The following SCRN1 variants were observed in gnomAD, a reference collection of about 807,000 sequenced individuals.
SCRN1 encodes secernin 1.
SCRN1 carries 19 observed loss-of-function variants against 43.3 expected under a neutral mutation model. The observed-to-expected ratio is 0.44, with a 90% CI of 0.31 to 0.64. The LOEUF is 0.64. SCRN1 is among the 30% of genes least tolerant of loss of function. The pLI, the probability that SCRN1 is intolerant of heterozygous loss-of-function variation, is 0.09. For missense variants in SCRN1, 447 were observed against 524.1 expected (o/e 0.85, Z 1.44); for synonymous variants, 183 against 188.9 (o/e 0.97, Z 0.26).
chr7:29,959,447 G>C (rs1476766535), intron 2 of SCRN1, among the ~76,000 whole-genome samples: 1 of 152,030 alleles, frequency 6.6e-6, no homozygotes, highest in Admixed American at 6.6e-5. Flanking sequence ...TTGTTTGTTT[G>C]TTTTAGAGAT....
At chr7:29,963,725 A>G (rs547185333) in intron 2 of SCRN1, among the ~76,000 whole-genome samples, 15 of 152,338 alleles carry the variant, frequency 9.8e-5, no homozygotes, top group African/African-American at 3.6e-4. Flanking sequence ...GACTAGCAAA[A>G]TACTGGAAGG....
At chr7:29,990,168 AATGTGTCC>A (rs761328020), upstream of SCRN1, 45 of 1,551,434 alleles carry the variant, frequency 2.9e-5, no homozygotes, top group Admixed American at 2.2e-4. Context: ...CCCGGAGAGA[AATGTGTCC>A]TGTACCTTGT....
chr7:29,964,678 C>T (rs1788431481), intron 2 of SCRN1, among the ~76,000 whole-genome samples: 2 of 152,048 alleles, frequency 1.3e-5, no homozygotes, highest in Non-Finnish European at 2.9e-5. Context: ...CTCGGTGGCT[C>T]ACATCCATAA....
chr7:29,924,349 C>T (rs890754724), intron 7 of SCRN1, among the ~76,000 whole-genome samples: 1 of 152,184 alleles, frequency 6.6e-6, no homozygotes, highest in Non-Finnish European at 1.5e-5. Context: ...AAGCCCAGAC[C>T]CCAGAGTGAC....
At chr7:29,983,420 T>G (rs552172082) in intron 1 of SCRN1, among the ~76,000 whole-genome samples, 25 of 151,058 alleles carry the variant, frequency 1.7e-4, no homozygotes, top group African/African-American at 6.1e-4. Flanking sequence ...ACCTGCACAA[T>G]GTGCACATGT....
chr7:29,959,854 A>AGG (rs1788248823), intron 2 of SCRN1, among the ~76,000 whole-genome samples: 1 of 151,656 alleles, frequency 6.6e-6, no homozygotes, highest in African/African-American at 2.4e-5. Context: ...CTTGGAAGTG[A>AGG]GGGAGACACT....
At chr7:29,952,884 T>G (rs1047538560) in intron 3 of SCRN1, among the ~76,000 whole-genome samples, 2 of 152,182 alleles carry the variant, frequency 1.3e-5, no homozygotes, top group East Asian at 1.9e-4. Flanking sequence ...AACCTACCAG[T>G]GCTCTTCACA....
chr7:29,948,687 A>G (rs191973435), intron 3 of SCRN1, among the ~76,000 whole-genome samples: 10 of 152,376 alleles, frequency 6.6e-5, no homozygotes, highest in Middle Eastern at 3.4e-3. Flanking sequence ...AAAAAAGAAT[A>G]AAGTAGTTAT....
chr7:29,967,396 T>TTTA (rs1019364025), intron 2 of SCRN1, among the ~76,000 whole-genome samples: 2 of 151,734 alleles, frequency 1.3e-5, no homozygotes, highest in Non-Finnish European at 2.9e-5. Flanking sequence ...GTATACTTTT[T>TTTA]TTTTTTTTTT....
At chr7:29,986,360 C>T (rs1789151067) in intron 1 of SCRN1, among the ~76,000 whole-genome samples, 1 of 152,186 alleles carries the variant, frequency 6.6e-6, no homozygotes, top group Non-Finnish European at 1.5e-5. Context: ...ATATATCCAA[C>T]ATGTTACTTC....
chr7:29,927,919 G>A (rs56233140), intron 6 of SCRN1, among the ~76,000 whole-genome samples: 3,531 of 152,082 alleles, frequency 0.023, 57 homozygotes, highest in East Asian at 0.067. Flanking sequence ...TCAGGAGTTC[G>A]AGCCCAGCCT....
At chr7:29,982,544 G>A (rs1382581873) in intron 1 of SCRN1, among the ~76,000 whole-genome samples, 1 of 152,002 alleles carries the variant, frequency 6.6e-6, no homozygotes, top group Non-Finnish European at 1.5e-5. Context: ...TTAGTCAGGT[G>A]TAGTGGTGTA....
At position 29,943,990 on chromosome 7, in the gene SCRN1, G is replaced by C. The variant is rs373608332; in HGVS notation, c.531C>G (p.Ala177=). Residue 177 remains alanine (A), a synonymous_variant, in exon 4 of 8, where the codon GCC becomes GCG. Transcript: ENST00000242059. ...VLETIGKYWA[A]EKVTEGVRCI... is the part of the protein sequence containing the mutation. ...ACACCCACTCACCTGTGACTTTCTC[G>C]GCAGCCCAGTACTTCCCTATGGTCT... 1.2e-6 allele frequency: 2 copies of C among 1,613,930 alleles called. No homozygotes were observed. The highest frequency in any genetic ancestry group is 2.2e-5 in the East Asian group (1 of 44,888).
intron 1 of SCRN1, among the ~76,000 whole-genome samples, chr7:29,982,749 A>C (rs1713888274): frequency 6.6e-6 from 1 of 151,798 alleles, no homozygotes; most frequent in African/African-American, 2.4e-5. Flanking sequence ...TTGTATAATT[A>C]ATACGTAGTG....
intron 2 of SCRN1, among the ~76,000 whole-genome samples, chr7:29,964,525 T>C (rs935083098): frequency 6.6e-6 from 1 of 152,134 alleles, no homozygotes; most frequent in African/African-American, 2.4e-5. Context: ...GGTGAATAGG[T>C]GGAGCACAGA....
intron 2 of SCRN1, among the ~76,000 whole-genome samples, chr7:29,957,802 G>A (rs1788182208): frequency 6.6e-6 from 1 of 152,202 alleles, no homozygotes; most frequent in African/African-American, 2.4e-5. Flanking sequence ...ACAGAGCTAA[G>A]GGCTTAAGAG....
chr7:29,985,021 G>A (rs867208718), intron 1 of SCRN1, among the ~76,000 whole-genome samples: 3 of 145,012 alleles, frequency 2.1e-5, no homozygotes, highest in Middle Eastern at 3.6e-3. Flanking sequence ...TGACTTGTGT[G>A]GGGAAAGTAG....
At chr7:29,961,829 AC>A (rs925795515) in intron 2 of SCRN1, among the ~76,000 whole-genome samples, 2 of 151,698 alleles carry the variant, frequency 1.3e-5, no homozygotes, top group Non-Finnish European at 2.9e-5. Context: ...CGGGGGGCTG[AC>A]CCCCCCACTG....
At chr7:29,946,434 C>T (rs547503218) in intron 3 of SCRN1, among the ~76,000 whole-genome samples, 1 of 152,360 alleles carries the variant, frequency 6.6e-6, no homozygotes, top group African/African-American at 2.4e-5. Flanking sequence ...AGGCAGAATC[C>T]TGTTCCCAGG....
Sources: gnomAD v4.1 joint callset for allele counts (sites outside exome capture counted in the v4.1 genomes callset) on GRCh38, gnomAD v4.1.1 for gene constraint, MANE v1.5 for transcripts, NCBI Gene and HGNC (gene_info 2026-07-23, HGNC 2026-07-21) for gene names.